Variants in NRG2 observed in about 807,000 individuals in gnomAD.
The protein encoded by NRG2 is pro-neuregulin-2, membrane-bound isoform.
NRG2 carries 27 observed loss-of-function variants against 73.9 expected under a neutral mutation model. The observed-to-expected ratio is 0.37, with a 90% CI of 0.27 to 0.50. NRG2 has a LOEUF of 0.50. Among genes scored for constraint, NRG2 ranks in the 20% least tolerant of loss-of-function variants. The pLI, the probability that NRG2 is intolerant of heterozygous loss-of-function variation, is 0.96. For synonymous variants in NRG2, 532 were observed against 541.0 expected, an observed-to-expected ratio of 0.98 and a Z score of 0.23; for missense variants, 1,126 against 1,210.1, an observed-to-expected ratio of 0.93 and a Z score of 1.03.
intron 5 of NRG2, among the ~76,000 whole-genome samples, chr5:139,862,000 T>C (rs1360290253): frequency 1.3e-5 from 2 of 152,176 alleles, no homozygotes; most frequent in African/African-American, 2.4e-5. Flanking sequence ...GCTAGGACAC[T>C]TTCCCAAGGT....
At chr5:139,866,927 G>T (rs1762504644) in intron 4 of NRG2, among the ~76,000 whole-genome samples, 1 of 152,136 alleles carries the variant, frequency 6.6e-6, no homozygotes, top group Non-Finnish European at 1.5e-5. Context: ...TTACAGGGAG[G>T]GCTAGACCCC....
At chr5:139,935,423 G>A (rs1017502701) in intron 1 of NRG2, among the ~76,000 whole-genome samples, 1 of 152,174 alleles carries the variant, frequency 6.6e-6, no homozygotes, top group Non-Finnish European at 1.5e-5. Flanking sequence ...TTTGTTTCAA[G>A]TGCATAGAGA....
At chr5:140,027,934 A>G (rs1760831431) in intron 1 of NRG2, among the ~76,000 whole-genome samples, 1 of 152,218 alleles carries the variant, frequency 6.6e-6, no homozygotes, top group Non-Finnish European at 1.5e-5. Flanking sequence ...CACAGGGTAG[A>G]ACAACAAACA....
intron 1 of NRG2, among the ~76,000 whole-genome samples, chr5:140,025,231 C>T (rs1485300775): frequency 6.6e-6 from 1 of 152,220 alleles, no homozygotes; most frequent in African/African-American, 2.4e-5. Context: ...GACTGCAATT[C>T]TGCCATTCCT....
chr5:139,856,327 G>C lies in NRG2; in HGVS notation c.1190-549C>G. 1 of 159,544 alleles carries C rather than the reference G, an allele frequency of 6.3e-6. No individual in the cohort carries two copies. The highest frequency in any genetic ancestry group is 1.8e-4 in the South Asian group (1 of 5,416). The allele number at this position is 159,544 out of a possible 1,614,324, so 9.9% of individuals were successfully genotyped here. On this transcript the variant is annotated intron_variant, in intron 5 of 9. Coordinates refer to ENST00000361474, the MANE Select transcript of NRG2 (RefSeq NM_004883.3). The surrounding 1 kb of genome is among the most constrained non-coding windows in gnomAD (Gnocchi z 4.2). ...GTGAGAAGCCCGCCAGTGGCACCAT[G>C]GACCCCTGGCATCTAGGAAAGTGCT...
chr5:140,042,680 C>A lies in NRG2; in HGVS notation c.390G>T (p.Val130=). ...CCAGCCCCTGTACCTTGCCCTCCAC[C>A]ACCACGGGTGCCTTGTACGCCTGGT... ...VQDQAYKAPV[V]VEGKVQGLVP... Residue 130 remains valine (V), a synonymous_variant, in exon 1 of 10, where the codon GTG becomes GTT. Coordinates refer to ENST00000361474, the MANE Select transcript of NRG2 (RefSeq NM_004883.3). 6.3e-7 allele frequency: 1 copy of A among 1,589,720 alleles called. No homozygotes were observed. Among genetic ancestry groups the A allele is most frequent in the Non-Finnish European group, 8.6e-7 (1 of 1,168,688 alleles).
chr5:139,964,750 T>A (rs1755359970), intron 1 of NRG2, among the ~76,000 whole-genome samples: 1 of 152,218 alleles, frequency 6.6e-6, no homozygotes, highest in African/African-American at 2.4e-5. Context: ...CTGAAGTTAC[T>A]GAATTGGTTG....
rs1581754753 is a variant in NRG2 at position 139,848,434 on chromosome 5, T to C, written c.2036A>G (p.Tyr679Cys). The change falls in exon 10 of 10, where the codon TAC (tyrosine) becomes TGC (cysteine). Residue 679 changes from tyrosine (Y) to cysteine (C), a missense_variant. Tyr to Cys is a radical substitution (Grantham distance 194). Around this residue, in one of 3 missense-constraint regions of NRG2, gnomAD observed 402 missense variants for 357.8 expected, o/e 1.12. Coordinates refer to ENST00000361474, the MANE Select transcript of NRG2 (RefSeq NM_004883.3). ...DMQRSYDSYY[Y>C]PAAGPGPRRG... ...CCGCGGTCCGGGCCCCGCCGCGGGG[T>C]AATAGTAGCTGTCATAGCTGCGCTG... The C allele has an allele frequency of 2.3e-6, 3 of 1,295,390 alleles. No individual in the cohort carries two copies. The highest frequency in any genetic ancestry group is 3.2e-5 in the East Asian group (1 of 31,044). The allele number at this position is 1,295,390 out of a possible 1,614,324, so 80.2% of individuals were successfully genotyped here. A position where few individuals can be genotyped will look rare whatever the true frequency, so the allele number is the denominator to read the frequency against.
At chr5:139,948,580 C>T (rs778262514) in intron 1 of NRG2, among the ~76,000 whole-genome samples, 3 of 152,234 alleles carry the variant, frequency 2.0e-5, no homozygotes, top group African/African-American at 4.8e-5. Flanking sequence ...ATTTACTGAG[C>T]ATCTGCAATG....
intron 1 of NRG2, among the ~76,000 whole-genome samples, chr5:139,897,823 C>T (rs763829860): frequency 6.6e-6 from 1 of 152,180 alleles, no homozygotes; most frequent in Non-Finnish European, 1.5e-5. Flanking sequence ...CCTAGAATGG[C>T]AGAGCAGATA....
chr5:139,850,946 G>A (rs906127163), intron 9 of NRG2, among the ~76,000 whole-genome samples: 1 of 151,036 alleles, frequency 6.6e-6, no homozygotes, highest in Non-Finnish European at 1.5e-5. Context: ...GGAACTTCTA[G>A]CATGTATCCT....
chr5:139,872,288 T>C (rs1762907864), intron 3 of NRG2, among the ~76,000 whole-genome samples: 1 of 152,202 alleles, frequency 6.6e-6, no homozygotes, highest in South Asian at 2.1e-4. Context: ...CTGCATGGCT[T>C]GGGCTCTCAT....
intron 1 of NRG2, among the ~76,000 whole-genome samples, chr5:139,948,581 A>G (rs1484274040): frequency 6.6e-6 from 1 of 152,260 alleles, no homozygotes. Flanking sequence ...TTTACTGAGC[A>G]TCTGCAATGT....
At position 139,929,582 on chromosome 5, in the gene NRG2, G is replaced by A. The variant is rs535075435; in HGVS notation, c.701-42071C>T. On this transcript the variant is annotated intron_variant, in intron 1 of 9. Coordinates refer to ENST00000361474, the MANE Select transcript of NRG2 (RefSeq NM_004883.3). ...GCATTCCTCAGAAGCCAGGTAGGAA[G>A]AGTGGTCACAGTTGTACAGAAATAC... Among the ~76,000 whole-genome samples the A allele has an allele frequency of 7.1e-4, 108 of 152,304 alleles. 2 individuals carry two copies. The highest frequency in any genetic ancestry group is 6.9e-3 in the Admixed American group (105 of 15,304).
intron 1 of NRG2, among the ~76,000 whole-genome samples, chr5:139,938,941 GAAAGAAAGAAAGAA>G (rs1753124019): frequency 1.8e-5 from 2 of 113,182 alleles, no homozygotes; most frequent in African/African-American, 7.1e-5. Context: ...AAGAAAGAAA[GAAAGAAAGAAAGAA>G]AGAAAAAAGA....
intron 1 of NRG2, among the ~76,000 whole-genome samples, chr5:140,005,410 C>T (rs1758816452): frequency 6.6e-6 from 1 of 152,218 alleles, no homozygotes; most frequent in Non-Finnish European, 1.5e-5. Context: ...TCCTCCTCCC[C>T]AGCACTATGA....
In NRG2 at chr5:139,887,247, G is replaced by GCA. The variant is rs1235537727; in HGVS notation, c.872+91_872+92dup. 1.8e-5 allele frequency: 26 copies of GCA among 1,447,724 alleles called. No individual in the cohort carries two copies. The highest frequency in any genetic ancestry group is 2.4e-5 in the Non-Finnish European group (25 of 1,046,754). 89.7% of individuals were successfully genotyped at this position (1,447,724 alleles called of 1,614,324 possible). On this transcript the variant is annotated intron_variant, in intron 2 of 9. Transcript: ENST00000361474. This position sits in a 1 kb window ranked among gnomAD's most constrained non-coding sequence, Gnocchi z 4.5. ...ACTGGTTCCATGGGTGAGTCTGGGG[G>GCA]CACAGCCCTGGCCTCTGCCCAGTTC...
At chr5:140,030,832 T>C (rs1761084049) in intron 1 of NRG2, among the ~76,000 whole-genome samples, 1 of 152,190 alleles carries the variant, frequency 6.6e-6, no homozygotes, top group Non-Finnish European at 1.5e-5. Flanking sequence ...TGGGCTGAGC[T>C]CTGGAGGTGC....
At position 139,856,629 on chromosome 5, in the gene NRG2, C is replaced by T. The variant is rs1007213064; in HGVS notation, c.1190-851G>A. On this transcript the variant is annotated intron_variant, in intron 5 of 9. Coordinates refer to ENST00000361474, the MANE Select transcript of NRG2 (RefSeq NM_004883.3). This position sits in a 1 kb window ranked among gnomAD's most constrained non-coding sequence, Gnocchi z 4.2. The stretch of plus-strand genomic sequence containing the variant: ...GTAAAGTGGAGGCTGGACCTCAATG[C>T]CTTGGCAGAGCCCTGGGAAATGTCC... Among the ~76,000 whole-genome samples the T allele has an allele frequency of 6.6e-6, 1 of 152,208 alleles. No homozygotes were observed. The highest frequency in any genetic ancestry group is 1.5e-5 in the Non-Finnish European group (1 of 68,032).
Sources: gnomAD v4.1 joint callset for allele counts (sites outside exome capture counted in the v4.1 genomes callset) on GRCh38, gnomAD v4.1.1 for gene constraint, gnomAD v4.1.1 regional missense constraint, Gnocchi (gnomAD v3.1) non-coding constraint, MANE v1.5 for transcripts, NCBI Gene and HGNC (gene_info 2026-07-23, HGNC 2026-07-21) for gene names.